Variants in LHCGR observed in about 807,000 individuals in gnomAD.
LHCGR encodes the protein lutropin-choriogonadotropic hormone receptor.
LHCGR carries 55 observed loss-of-function variants against 60.7 expected under a neutral mutation model. That is an observed-to-expected ratio of 0.91 (90% CI 0.73 to 1.13). The LOEUF (loss-of-function observed/expected upper bound fraction) is 1.13, where lower values mean the gene tolerates loss of function less well. Ranked by LOEUF, LHCGR falls within the 50% of genes most tolerant of loss-of-function variation. LHCGR has a pLI of 0.00. For missense variants in LHCGR, 862 were observed against 836.0 expected, an observed-to-expected ratio of 1.03 and a Z score of -0.38; for synonymous variants, 337 against 316.5, an observed-to-expected ratio of 1.06 and a Z score of -0.69.
chr2:48,710,261 T>C (rs1241902193), intron 7 of LHCGR, among the ~76,000 whole-genome samples: 1 of 152,228 alleles, frequency 6.6e-6, no homozygotes, highest in Non-Finnish European at 1.5e-5. Flanking sequence ...ATTGTCAGAA[T>C]CAACTGCTGT....
intron 2 of LHCGR, among the ~76,000 whole-genome samples, chr2:48,729,633 A>G (rs1668899742): frequency 1.3e-5 from 2 of 152,206 alleles, no homozygotes; most frequent in South Asian, 4.1e-4. Flanking sequence ...AGACTAGGAT[A>G]TGGATCTCTG....
intron 8 of LHCGR, among the ~76,000 whole-genome samples, chr2:48,702,606 G>C (rs1667466965): frequency 6.6e-6 from 1 of 152,052 alleles, no homozygotes; most frequent in Non-Finnish European, 1.5e-5. Context: ...CCTTTTTTAT[G>C]GCTGCATAGT....
Position 48,755,622 on chromosome 2 carries a change from A to T in LHCGR, c.50T>A (p.Leu17Gln), listed in dbSNP as rs1244697101. Residue 17 changes from leucine to glutamine, a missense_variant, in exon 1 of 11, where the codon CTG becomes CAG. Physicochemically the swap from Leu to Gln is moderately radical, Grantham distance 113. Transcript: ENST00000294954. ...CAGCGCTCGTGGCAGCGGCGGCTGC[A>T]GCAGCAGCAGCAGCTTCAGCAGCTG... is the stretch of plus-strand genomic sequence containing the variant. ...ALQLLKLLLL[L>Q]QPPLPRALRE... is the part of the protein sequence containing the mutation. 1.3e-6 allele frequency: 2 copies of T among 1,512,110 alleles called. No individual in the cohort carries two copies. The highest frequency in any genetic ancestry group is 8.9e-7 in the Non-Finnish European group (1 of 1,127,342). 93.7% of individuals were successfully genotyped at this position (1,512,110 alleles called of 1,614,324 possible). A position where few individuals can be genotyped will look rare whatever the true frequency, so the allele number is the denominator to read the frequency against.
chr2:48,717,994 C>G (rs1000320833), intron 6 of LHCGR, among the ~76,000 whole-genome samples: 1 of 151,968 alleles, frequency 6.6e-6, no homozygotes, highest in Non-Finnish European at 1.5e-5. Flanking sequence ...AGCTTCCTTA[C>G]TTTGGAGAAA....
chr2:48,699,899 T>A, intron 8 of LHCGR, among the ~76,000 whole-genome samples: 1 of 152,230 alleles, frequency 6.6e-6, no homozygotes, highest in East Asian at 1.9e-4. Context: ...ATTCTGCTTA[T>A]CTTCTAAGTG....
chr2:48,708,737 A>G, intron 8 of LHCGR: 2 of 610,224 alleles, frequency 3.3e-6, no homozygotes, highest in Non-Finnish European at 5.9e-6. Context: ...AGCTTCCAGA[A>G]CCATAAGACA....
intron 10 of LHCGR, among the ~76,000 whole-genome samples, chr2:48,689,170 TAC>T (rs1280873867): frequency 2.7e-5 from 4 of 148,314 alleles, no homozygotes; most frequent in African/African-American, 9.8e-5. Context: ...CACACATATA[TAC>T]ATATATACAC....
chr2:48,731,146 C>A, intron 2 of LHCGR, 81 bp downstream of exon 2: 1 of 906,456 alleles, frequency 1.1e-6, no homozygotes, highest in Non-Finnish European at 1.8e-6. Context: ...GAAAAATTAT[C>A]CCCTTTCAAA....
intron 1 of LHCGR, among the ~76,000 whole-genome samples, chr2:48,735,936 C>T (rs1010079950): frequency 6.6e-6 from 1 of 152,108 alleles, no homozygotes; most frequent in Admixed American, 6.5e-5. Flanking sequence ...TGCTGCTGCT[C>T]TTATGAGAGT....
chr2:48,754,920 A>C (rs890352449), intron 1 of LHCGR, among the ~76,000 whole-genome samples: 10 of 151,998 alleles, frequency 6.6e-5, no homozygotes, highest in African/African-American at 2.4e-4. Context: ...GCGGCAGGGC[A>C]CAGGGCCTTT....
intron 8 of LHCGR, among the ~76,000 whole-genome samples, chr2:48,702,108 G>A (rs959783551): frequency 5.3e-5 from 8 of 152,068 alleles, no homozygotes; most frequent in Admixed American, 2.0e-4. Flanking sequence ...ACTGGTCGCC[G>A]TGTGTGAGAG....
chr2:48,699,353 TTC>T (rs1286066623), intron 8 of LHCGR, among the ~76,000 whole-genome samples: 2 of 151,882 alleles, frequency 1.3e-5, no homozygotes, highest in African/African-American at 2.4e-5. Context: ...TTATTAGCAT[TTC>T]TCTCTCTCTC....
At chr2:48,723,858 G>A (rs894635542) in intron 4 of LHCGR, among the ~76,000 whole-genome samples, 162 bp from the exon 5 acceptor site, 1 of 152,196 alleles carries the variant, frequency 6.6e-6, no homozygotes. Context: ...ACTTTTAGCT[G>A]AGAAAGATTG....
rs1669812340 is a variant in LHCGR at position 48,748,601 on chromosome 2, C to T, written c.161+6910G>A. The stretch of plus-strand genomic sequence containing the variant: ...ACACCTCCCAGGAACAAAACTGTTC[C>T]ATCAGGCTTGCCCCTTGGATGATAG... On this transcript the variant is annotated intron_variant, in intron 1 of 10. Coordinates refer to ENST00000294954, the MANE Select transcript of LHCGR (RefSeq NM_000233.4). Among the ~76,000 whole-genome samples, 3 of 152,230 alleles carry T rather than the reference C, an allele frequency of 2.0e-5. No individual in the cohort carries two copies. The South Asian group carries it at 6.2e-4, about 32-fold the overall frequency.
rs775345112 is a variant in LHCGR at position 48,688,558 on chromosome 2, C to A, written c.1239G>T (p.Leu413=). The A allele has an allele frequency of 2.5e-6, 4 of 1,614,138 alleles. No homozygotes were observed. In the South Asian group the frequency reaches 4.4e-5, roughly 18 times the overall value. The change falls in exon 11 of 11, where the codon CTG becomes CTT. Residue 413 remains leucine, a synonymous_variant. Transcript: ENST00000294954. The surrounding 1 kb of genome is among the most constrained non-coding windows in gnomAD (Gnocchi z 5.2). ...FADFCMGLYL[L]LIASVDSQTK... is the part of the protein sequence containing the mutation. Reference sequence around the variant, plus strand: ...TTTGGGAATCAACTGAGGCTATGAGCAGCAGATAGAGCCCCATGCAAAAGT... The same window carrying A: ...TTTGGGAATCAACTGAGGCTATGAGAAGCAGATAGAGCCCCATGCAAAAGT...
chr2:48,724,834 A>G (rs2104454164), intron 4 of LHCGR, among the ~76,000 whole-genome samples: 1 of 152,288 alleles, frequency 6.6e-6, no homozygotes, highest in Non-Finnish European at 1.5e-5. Context: ...TTCCAGTAGC[A>G]GCTCTTATAG....
intron 9 of LHCGR, 133 bp downstream of exon 9, chr2:48,698,482 G>A (rs1024956988): frequency 1.6e-4 from 118 of 720,580 alleles, no homozygotes; most frequent in Admixed American, 1.5e-3. Flanking sequence ...CTATTTGAAA[G>A]TGACCCCATG....
rs750763936 is a variant in LHCGR at position 48,687,760 on chromosome 2, C to A, written c.2037G>T (p.Lys679Asn). ...GSNKPSQSTL[K>N]LSTLHCQGTA... is the part of the protein sequence containing the mutation. ...TACCTTGACAGTGCAATGTGGACAA[C>A]TTCAAGGTGGATTGAGAAGGCTTAT... is the stretch of plus-strand genomic sequence containing the variant. Residue 679 changes from lysine to asparagine, a missense_variant, in exon 11 of 11, where the codon AAG becomes AAT. By Grantham distance (94) the Lys-to-Asn change is moderately conservative. Transcript: ENST00000294954. 6.2e-7 allele frequency: 1 copy of A among 1,614,156 alleles called. No homozygotes were observed. Among genetic ancestry groups the A allele is most frequent in the Non-Finnish European group, 8.5e-7 (1 of 1,180,006 alleles).
intron 1 of LHCGR, among the ~76,000 whole-genome samples, chr2:48,744,376 T>C (rs1451591398): frequency 8.1e-4 from 20 of 24,638 alleles, no homozygotes; most frequent in Middle Eastern, 9.3e-3. Flanking sequence ...AAAAAGAGCC[T>C]GCATCGCCAA....
Sources: allele counts gnomAD v4.1 joint callset (sites outside exome capture counted in the v4.1 genomes callset), GRCh38; gene constraint gnomAD v4.1.1; non-coding constraint Gnocchi (gnomAD v3.1); transcripts MANE v1.5; gene names NCBI Gene and HGNC (gene_info 2026-07-23, HGNC 2026-07-21).